The following FARP1 variants were observed in gnomAD, a reference collection of about 807,000 sequenced individuals.
The protein encoded by FARP1 is FERM, ARH/RhoGEF and pleckstrin domain protein 1, also known as FERM, ARHGEF and pleckstrin domain-containing protein 1.
Under a neutral mutation model 128.8 loss-of-function variants are expected in FARP1, and 52 were observed. The observed-to-expected ratio is 0.40, with a 90% confidence interval of 0.32 to 0.51. FARP1 has a LOEUF of 0.51. FARP1 is among the 20% of genes least tolerant of loss of function. The pLI is 0.45. For missense variants in FARP1, 1,333 were observed against 1,367.9 expected (o/e 0.97, Z 0.40); for synonymous variants, 580 against 551.8 (o/e 1.05, Z -0.72).
chr13:98,159,499 C>G (rs1458394349), intron 1 of FARP1: 1 of 138,532 alleles, frequency 7.2e-6, no homozygotes, highest in Non-Finnish European at 1.5e-5. Flanking sequence ...GAGATGGAGT[C>G]TTGCTCTTGT....
intron 1 of FARP1, among the ~76,000 whole-genome samples, chr13:98,178,947 C>G (rs562889526): frequency 3.3e-4 from 50 of 152,316 alleles, no homozygotes; most frequent in African/African-American, 1.2e-3. Context: ...AGTGAGGTGC[C>G]TAAAAGCTGG....
chr13:98,370,274 G>A (rs529296242), intron 5 of FARP1, among the ~76,000 whole-genome samples: 58 of 152,320 alleles, frequency 3.8e-4, no homozygotes, highest in Middle Eastern at 3.4e-3. Flanking sequence ...ATAAAGGAGG[G>A]CCAGCATGGC....
At chr13:98,316,279 A>G (rs586299) in intron 2 of FARP1, among the ~76,000 whole-genome samples, 51,725 of 151,984 alleles carry the variant, frequency 0.34, 10,010 homozygotes, top group Non-Finnish European at 0.43. Flanking sequence ...TAACAAGCAA[A>G]ACCCCTAGCC....
At chr13:98,216,809 A>C (rs1470144050) in intron 2 of FARP1, among the ~76,000 whole-genome samples, 2 of 152,130 alleles carry the variant, frequency 1.3e-5, no homozygotes, top group African/African-American at 4.8e-5. Flanking sequence ...TTGAACTTGG[A>C]CTGTCTTTTT....
At chr13:98,273,604 C>A (rs546894205) in intron 2 of FARP1, among the ~76,000 whole-genome samples, 1 of 152,218 alleles carries the variant, frequency 6.6e-6, no homozygotes, top group Non-Finnish European at 1.5e-5. Flanking sequence ...AGGCCTGGGG[C>A]CTCATCTCTC....
intron 1 of FARP1, among the ~76,000 whole-genome samples, chr13:98,181,631 T>TG (rs1490988641): frequency 2.0e-3 from 195 of 97,014 alleles, no homozygotes; most frequent in Middle Eastern, 5.1e-3. Context: ...TTTATTTATT[T>TG]ATTTATTTAT....
Position 98,393,940 on chromosome 13 carries a change from C to T in FARP1, c.1164+222C>T, listed in dbSNP as rs9517280. The stretch of plus-strand genomic sequence containing the variant: ...GTGGAGTGTGTTGTGTTTTCAGCTG[C>T]CTTCTCATCTCCCATGCGGTGCTCT... On this transcript the variant is annotated intron_variant, in intron 12 of 26. Transcript: ENST00000319562. Among the ~76,000 whole-genome samples, 225 of 152,292 alleles carry T rather than the reference C, an allele frequency of 1.5e-3. 1 individual carries two copies. In the Middle Eastern group the frequency reaches 0.017, roughly 12 times the overall value.
intron 3 of FARP1, among the ~76,000 whole-genome samples, chr13:98,363,823 C>T (rs1462173610): frequency 1.3e-5 from 2 of 152,146 alleles, no homozygotes; most frequent in Non-Finnish European, 2.9e-5. Context: ...CTCACTGCAA[C>T]CTCTGTCTCT....
At chr13:98,153,314 A>T (rs190312362) in intron 1 of FARP1, among the ~76,000 whole-genome samples, 11,721 of 38,522 alleles carry the variant, frequency 0.3, 784 homozygotes, top group Admixed American at 0.43. Context: ...TTATATATAA[A>T]ATATATAAAT....
Position 98,440,225 on chromosome 13 carries a change from C to T in FARP1, c.2619C>T (p.Pro873=). The T allele has an allele frequency of 6.2e-7, 1 of 1,613,178 alleles. No individual in the cohort carries two copies. Among genetic ancestry groups the T allele is most frequent in the South Asian group, 1.1e-5 (1 of 91,064 alleles). ...CCCCTGAGTTCCTGGCCAGCAGCCC[C>T]CCTGACAACAGTGAGTGTGGCCAGG... ...SPAPEFLASS[P]PDNKSPDEAT... is the part of the protein sequence containing the mutation. Residue 873 remains proline (P), a synonymous_variant, in exon 23 of 27, where the codon CCC becomes CCT. Transcript: ENST00000319562.
At chr13:98,314,575 G>A (rs1474927851) in intron 2 of FARP1, among the ~76,000 whole-genome samples, 3 of 152,158 alleles carry the variant, frequency 2.0e-5, no homozygotes, top group Non-Finnish European at 4.4e-5. Flanking sequence ...ACCGTGCCCA[G>A]CCTATGTCAT....
At chr13:98,366,831 T>A (rs1386327973) in intron 4 of FARP1, among the ~76,000 whole-genome samples, 1 of 152,196 alleles carries the variant, frequency 6.6e-6, no homozygotes, top group African/African-American at 2.4e-5. Context: ...AATGCCTTGT[T>A]TTTTTCTCCC....
intron 2 of FARP1, among the ~76,000 whole-genome samples, chr13:98,275,384 T>TA (rs1437998707): frequency 6.0e-5 from 7 of 116,330 alleles, no homozygotes; most frequent in Non-Finnish European, 1.1e-4. Flanking sequence ...TATATATTTT[T>TA]ATATATATTC....
intron 18 of FARP1, chr13:98,434,869 C>G (rs1337413093): frequency 6.6e-6 from 1 of 152,300 alleles, no homozygotes; most frequent in Admixed American, 6.5e-5. Flanking sequence ...TGGCACGCAC[C>G]TGTAATCCCA....
chr13:98,209,114 T>G (rs1057320168), intron 1 of FARP1, among the ~76,000 whole-genome samples: 7 of 152,168 alleles, frequency 4.6e-5, no homozygotes, highest in African/African-American at 1.7e-4. Context: ...GTTCACGCCA[T>G]TCTCCTGCCT....
chr13:98,276,173 C>CTAGCCTTCCCTCTATTACA (rs1237845199), intron 2 of FARP1, among the ~76,000 whole-genome samples: 2 of 152,170 alleles, frequency 1.3e-5, no homozygotes, highest in Non-Finnish European at 2.9e-5. Context: ...TAGCTGAAGG[C>CTAGCCTTCCCTCTATTACA]TAGCCTTCCC....
intron 2 of FARP1, among the ~76,000 whole-genome samples, chr13:98,216,188 T>A (rs1012043035): frequency 1.3e-5 from 2 of 152,204 alleles, no homozygotes; most frequent in Admixed American, 6.5e-5. Context: ...TCAGCATTTT[T>A]ATTGGTGGAG....
intron 3 of FARP1, among the ~76,000 whole-genome samples, chr13:98,351,112 C>T (rs1888403944): frequency 6.6e-6 from 1 of 152,036 alleles, no homozygotes; most frequent in South Asian, 2.1e-4. Flanking sequence ...TTCCCCCTCC[C>T]CCTCTCCCTC....
At chr13:98,310,251 G>A (rs1200321489) in intron 2 of FARP1, among the ~76,000 whole-genome samples, 5 of 152,048 alleles carry the variant, frequency 3.3e-5, no homozygotes, top group African/African-American at 7.2e-5. Context: ...GAGGCAGGTC[G>A]CCTCTGTGCC....
Sources: allele counts gnomAD v4.1 joint callset (sites outside exome capture counted in the v4.1 genomes callset), GRCh38; gene constraint gnomAD v4.1.1; transcripts MANE v1.5; gene names NCBI Gene and HGNC (gene_info 2026-07-23, HGNC 2026-07-21).